Variants in PIEZO2 observed in about 807,000 individuals in gnomAD.
PIEZO2 encodes piezo type mechanosensitive ion channel component 2.
PIEZO2 carries 172 observed loss-of-function variants against 337.3 expected under a neutral mutation model. The ratio of observed to expected loss-of-function variants is 0.51; its 90% confidence interval spans 0.45 to 0.58. The LOEUF is 0.58. Ranked by LOEUF, PIEZO2 falls within the 20% of genes least tolerant of loss-of-function variation. The pLI is 0.00. For missense variants in PIEZO2, 3,028 were observed against 3,391.3 expected (o/e 0.89, Z 2.66); for synonymous variants, 1,251 against 1,228.5 (o/e 1.02, Z -0.38).
At position 10,775,639 on chromosome 18, in the gene PIEZO2, A is replaced by T. The variant is rs938051796; in HGVS notation, c.2535-1601T>A. ...CTACAGCTACACAGCAGATGTCCTTAAGCAACGATGCCCCCAAACTGCCAT... is the reference window on the plus strand; with the variant it reads ...CTACAGCTACACAGCAGATGTCCTTTAGCAACGATGCCCCCAAACTGCCAT... On this transcript the variant is annotated intron_variant, in intron 18 of 55. Transcript: ENST00000674853. The surrounding 1 kb of genome is among the most constrained non-coding windows in gnomAD (Gnocchi z 4.3). 6.6e-6 allele frequency among the ~76,000 whole-genome samples: 1 copy of T among 152,238 alleles called. No individual in the cohort carries two copies. The highest frequency in any genetic ancestry group is 1.5e-5 in the Non-Finnish European group (1 of 68,038).
intron 3 of PIEZO2, among the ~76,000 whole-genome samples, chr18:10,957,528 A>G (rs867169225): frequency 6.6e-6 from 1 of 152,220 alleles, no homozygotes; most frequent in African/African-American, 2.4e-5. Flanking sequence ...TGAAATGAGC[A>G]CAAGACATAA....
intron 2 of PIEZO2, among the ~76,000 whole-genome samples, chr18:11,023,850 G>T (rs922685708): frequency 6.6e-6 from 1 of 152,220 alleles, no homozygotes; most frequent in African/African-American, 2.4e-5. Flanking sequence ...GGCCGGCACT[G>T]CTGGGGGACC....
At chr18:11,113,244 A>T (rs2039787808) in intron 1 of PIEZO2, among the ~76,000 whole-genome samples, 1 of 152,166 alleles carries the variant, frequency 6.6e-6, no homozygotes, top group South Asian at 2.1e-4. Flanking sequence ...CTTAGATGGG[A>T]CTCACAGATG....
rs12457568 is a variant in PIEZO2, at chr18:11,084,320, A to G, written c.65-18098T>C. Among the ~76,000 whole-genome samples the G allele has an allele frequency of 1.7e-3, 266 of 152,280 alleles. 2 individuals are homozygous for G. Among genetic ancestry groups the G allele is most frequent in the Middle Eastern group, 3.4e-3 (1 of 294 alleles). ...AATCAAATTTTGTAGGGCATGTGCC[A>G]GGTGCCACGGACAGTAACCTGCTAG... On this transcript the variant is annotated intron_variant, in intron 1 of 55. Coordinates refer to ENST00000674853, the MANE Select transcript of PIEZO2 (RefSeq NM_001378183.1).
intron 1 of PIEZO2, among the ~76,000 whole-genome samples, chr18:11,081,822 C>T (rs1246170194): frequency 2.0e-5 from 3 of 148,838 alleles, no homozygotes; most frequent in Non-Finnish European, 4.4e-5. Flanking sequence ...TGCAGTGGTG[C>T]GGTCTCAGCT....
At position 10,697,888 on chromosome 18, in the gene PIEZO2, T is replaced by C. The variant is rs767935626; in HGVS notation, c.6695-8A>G. On this transcript the variant is annotated splice_polypyrimidine_tract_variant and splice_region_variant and intron_variant, in intron 44 of 55. Transcript: ENST00000674853. ...TTCGGGTGCTTGTGCTGCCTAGAAA[T>C]AAAAAGAGATCATAAGATGGGTGGT... The C allele has an allele frequency of 7.5e-6, 12 of 1,603,966 alleles. No homozygotes were observed. The highest frequency in any genetic ancestry group is 2.2e-5 in the East Asian group (1 of 44,750).
At position 10,677,134 on chromosome 18, in the gene PIEZO2, C is replaced by T. The variant is rs1368671997; in HGVS notation, c.8081+613G>A. 6.6e-6 allele frequency among the ~76,000 whole-genome samples: 1 copy of T among 152,208 alleles called. No homozygotes were observed. Among genetic ancestry groups the T allele is most frequent in the Non-Finnish European group, 1.5e-5 (1 of 68,030 alleles). Reference sequence around the variant, plus strand: ...AGAATAATGTCTGTCTCAATGGAAGCCCCAGCGGGCCAGCACTTTCCATGC... The same window carrying T: ...AGAATAATGTCTGTCTCAATGGAAGTCCCAGCGGGCCAGCACTTTCCATGC... On this transcript the variant is annotated intron_variant, in intron 53 of 55. Coordinates refer to ENST00000674853, the MANE Select transcript of PIEZO2 (RefSeq NM_001378183.1). The surrounding 1 kb of genome is among the most constrained non-coding windows in gnomAD (Gnocchi z 4.1).
intron 1 of PIEZO2, among the ~76,000 whole-genome samples, chr18:11,117,845 A>G (rs969049213): frequency 6.6e-6 from 1 of 152,194 alleles, no homozygotes; most frequent in Non-Finnish European, 1.5e-5. Context: ...TTCTGCTTCC[A>G]ACAGACTGAA....
rs1299802929 is a variant in PIEZO2, at chr18:10,720,403, GTATGTGTATGTGTATGTATATA to G, written c.5030-2166_5030-2145del. Among the ~76,000 whole-genome samples the G allele has an allele frequency of 1.6e-3, 27 of 17,010 alleles. 2 individuals are homozygous for G. The highest frequency in any genetic ancestry group is 7.9e-3 in the South Asian group (4 of 508). 11.2% of individuals were successfully genotyped at this position (17,010 alleles called of 152,430 possible). On this transcript the variant is annotated intron_variant, in intron 36 of 55. Transcript: ENST00000674853. ...TGTGTGTGTGTGTGTGTGTGTGTGTGTATGTGTATGTGTATGTATATATATATATATATATATATATATATAT... is the reference window on the plus strand; with the variant it reads ...TGTGTGTGTGTGTGTGTGTGTGTGTGTATATATATATATATATATATATAT...
intron 16 of PIEZO2, among the ~76,000 whole-genome samples, chr18:10,785,631 C>G (rs2039193428): frequency 2.6e-5 from 4 of 152,162 alleles, no homozygotes. Flanking sequence ...ACTGAGAAGT[C>G]AGACGCCTCC....
At chr18:11,087,006 A>G (rs550949069) in intron 1 of PIEZO2, among the ~76,000 whole-genome samples, 2 of 152,232 alleles carry the variant, frequency 1.3e-5, no homozygotes, top group Admixed American at 1.3e-4. Context: ...CTAATCCTCA[A>G]AGTGATGGTG....
At chr18:10,997,692 A>G (rs1017265202) in intron 2 of PIEZO2, among the ~76,000 whole-genome samples, 1 of 152,204 alleles carries the variant, frequency 6.6e-6, no homozygotes, top group Non-Finnish European at 1.5e-5. Flanking sequence ...GTTAGTAATG[A>G]TGAAGAAATT....
intron 3 of PIEZO2, among the ~76,000 whole-genome samples, chr18:10,965,350 T>C (rs1222114786): frequency 6.6e-6 from 1 of 152,218 alleles, no homozygotes; most frequent in Non-Finnish European, 1.5e-5. Flanking sequence ...TTATTGAGTG[T>C]AACACTTTAT....
intron 3 of PIEZO2, among the ~76,000 whole-genome samples, chr18:10,922,763 T>A (rs1328481770): frequency 6.6e-6 from 1 of 152,156 alleles, no homozygotes; most frequent in African/African-American, 2.4e-5. Context: ...GCAAGCTGGC[T>A]GACCGTATTT....
chr18:10,829,194 T>G (rs1248688927), intron 7 of PIEZO2, among the ~76,000 whole-genome samples: 2 of 152,144 alleles, frequency 1.3e-5, no homozygotes, highest in Non-Finnish European at 2.9e-5. Context: ...ACAGAGCATT[T>G]AACTCAGTGT....
chr18:10,699,227 C>T (rs1429506933), intron 43 of PIEZO2, 50 bp from the exon 44 acceptor site: 1 of 1,530,220 alleles, frequency 6.5e-7, no homozygotes, highest in Admixed American at 2.1e-5. Flanking sequence ...CAGGTGGAAC[C>T]CTTGGTATTC....
rs990376913 is a variant in PIEZO2, at chr18:10,746,759, A to G, written c.4424+1712T>C. Among the ~76,000 whole-genome samples, 12 of 152,198 alleles carry G rather than the reference A, an allele frequency of 7.9e-5. No individual in the cohort carries two copies. Among genetic ancestry groups the G allele is most frequent in the Admixed American group, 6.5e-5 (1 of 15,278 alleles). ...CACCAAAATAGGATGCAGTGGGAAG[A>G]TGGCCATCTATGAGGAAGTGGGCCC... is the stretch of plus-strand genomic sequence containing the variant. On this transcript the variant is annotated intron_variant, in intron 30 of 55. Transcript: ENST00000674853. The surrounding 1 kb of genome is among the most constrained non-coding windows in gnomAD (Gnocchi z 4.2).
At chr18:11,017,472 T>C (rs140094084) in intron 2 of PIEZO2, among the ~76,000 whole-genome samples, 1 of 141,294 alleles carries the variant, frequency 7.1e-6, no homozygotes, top group East Asian at 2.0e-4. Context: ...TTTTTTGAGA[T>C]GCAGTTTTGC....
rs2041869675 is a variant in PIEZO2 at position 10,861,435 on chromosome 18, A to C, written c.493-4224T>G. Among the ~76,000 whole-genome samples the C allele has an allele frequency of 6.6e-6, 1 of 152,248 alleles. No homozygotes were observed. The highest frequency in any genetic ancestry group is 1.5e-5 in the Non-Finnish European group (1 of 68,040). On this transcript the variant is annotated intron_variant, in intron 5 of 55. Coordinates refer to ENST00000674853, the MANE Select transcript of PIEZO2 (RefSeq NM_001378183.1). The surrounding 1 kb of genome is among the most constrained non-coding windows in gnomAD (Gnocchi z 4.3). ...TTAAAAGTTTATGATTTTAACAGGA[A>C]ATCTTGTTATTTGCAACAACATGCA... is the stretch of plus-strand genomic sequence containing the variant.
Sources: allele counts gnomAD v4.1 joint callset (sites outside exome capture counted in the v4.1 genomes callset), GRCh38; gene constraint gnomAD v4.1.1; non-coding constraint Gnocchi (gnomAD v3.1); transcripts MANE v1.5; gene names NCBI Gene and HGNC (gene_info 2026-07-23, HGNC 2026-07-21).